SPATA6L: variants seen among roughly 807,000 people sequenced by gnomAD.
SPATA6L encodes the protein spermatogenesis associated 6 like, also known as spermatogenesis associated 6-like protein.
SPATA6L carries 68 observed loss-of-function variants against 49.2 expected under a neutral mutation model. The observed-to-expected ratio is 1.38, with a 90% CI of 1.14 to 1.69. The LOEUF (loss-of-function observed/expected upper bound fraction) is 1.69. Among genes scored for constraint, SPATA6L ranks in the 40% most tolerant of loss-of-function variants. The probability of loss-of-function intolerance (pLI) is 0.00; values close to 1 mark genes in which losing one functional copy is unlikely to be tolerated. For synonymous variants in SPATA6L, 198 were observed against 165.7 expected, an observed-to-expected ratio of 1.19 and a Z score of -1.50; for missense variants, 668 against 464.3, an observed-to-expected ratio of 1.44 and a Z score of -4.03.
intron 1 of SPATA6L, chr9:4,663,873 T>A (rs1840435259): frequency 6.0e-6 from 1 of 167,036 alleles, no homozygotes; most frequent in Non-Finnish European, 1.5e-5. Context: ...TCTCTATCCA[T>A]ATTTGTGGAT....
chr9:4,664,736 G>A (rs1001437537), intron 1 of SPATA6L: 2 of 167,012 alleles, frequency 1.2e-5, no homozygotes, highest in African/African-American at 4.8e-5. Flanking sequence ...ACGGAGGTTC[G>A]GAACCTGGAG....
chr9:4,616,047 C>A (rs1260378620), intron 9 of SPATA6L, among the ~76,000 whole-genome samples: 1 of 152,118 alleles, frequency 6.6e-6, no homozygotes, highest in Non-Finnish European at 1.5e-5. Context: ...GAGGCCAAGA[C>A]AATTGCTTGA....
intron 13 of SPATA6L, among the ~76,000 whole-genome samples, chr9:4,590,628 G>A (rs1444444784): frequency 6.6e-6 from 1 of 152,142 alleles, no homozygotes; most frequent in East Asian, 1.9e-4. Flanking sequence ...GCCTCTTCTA[G>A]GGGATTTCCA....
At position 4,603,006 on chromosome 9, in the gene SPATA6L, GGAAAA is replaced by G. The variant is rs1823748580; in HGVS notation, c.*1+1168_*1+1172del. 2.0e-5 allele frequency among the ~76,000 whole-genome samples: 3 copies of G among 152,252 alleles called. No homozygotes were observed. In the South Asian group the frequency reaches 6.2e-4, roughly 32 times the overall value. On this transcript the variant is annotated intron_variant, in intron 11 of 11. Coordinates refer to ENST00000682582, the MANE Select transcript of SPATA6L (RefSeq NM_001353486.2). Reference sequence around the variant, plus strand: ...AGCGATTATTATTCTGGGCTTGAATGGAAAAGAAAAGAATATATGAGAAACGATGA... The same window carrying G: ...AGCGATTATTATTCTGGGCTTGAATGGAAAAGAATATATGAGAAACGATGA...
chr9:4,656,151 T>G, intron 2 of SPATA6L, 62 bp from the exon 3 acceptor site: 6 of 1,383,120 alleles, frequency 4.3e-6, no homozygotes, highest in Non-Finnish European at 5.1e-6. Flanking sequence ...ATATAGAAAC[T>G]GTAAATGCCA....
intron 9 of SPATA6L, among the ~76,000 whole-genome samples, chr9:4,613,608 G>A (rs1418086018): frequency 6.6e-6 from 1 of 151,112 alleles, no homozygotes; most frequent in Non-Finnish European, 1.5e-5. Context: ...TTTTGACCCA[G>A]AGTCTCATTC....
rs1324932428 is a variant in SPATA6L, at chr9:4,599,819, T to C, written c.*992A>G. On this transcript the variant is annotated 3_prime_UTR_variant, in exon 12 of 12. Transcript: ENST00000682582. ...GGTTAGGATTTCAACATACAAATGT[T>C]GAGGGGACACAAACATTCACACTAT... is the stretch of plus-strand genomic sequence containing the variant. Among the ~76,000 whole-genome samples, 1 of 152,182 alleles carries C rather than the reference T, an allele frequency of 6.6e-6. No individual in the cohort carries two copies. Among genetic ancestry groups the C allele is most frequent in the Non-Finnish European group, 1.5e-5 (1 of 68,022 alleles).
At position 4,624,499 on chromosome 9, in the gene SPATA6L, G is replaced by A. The variant is rs1829973889; in HGVS notation, c.669+828C>T. Reference sequence around the variant, plus strand: ...TCCCAGCACTTTGGGAGGCTGATGTGGGTGGATCATCTGAGGTCAGGAGTT... The same window carrying A: ...TCCCAGCACTTTGGGAGGCTGATGTAGGTGGATCATCTGAGGTCAGGAGTT... On this transcript the variant is annotated intron_variant, in intron 6 of 11. Coordinates refer to ENST00000682582, the MANE Select transcript of SPATA6L (RefSeq NM_001353486.2). 3.3e-5 allele frequency among the ~76,000 whole-genome samples: 5 copies of A among 152,128 alleles called. No individual in the cohort carries two copies. The South Asian group carries it at 1.0e-3, about 32-fold the overall frequency.
intron 3 of SPATA6L, among the ~76,000 whole-genome samples, chr9:4,641,127 G>A (rs1041302290): frequency 6.6e-6 from 1 of 151,956 alleles, no homozygotes; most frequent in Non-Finnish European, 1.5e-5. Flanking sequence ...AGTATATCTT[G>A]GACTGTCATA....
chr9:4,601,362 C>A (rs1346131268), intron 11 of SPATA6L, among the ~76,000 whole-genome samples: 4 of 69,526 alleles, frequency 5.8e-5, no homozygotes, highest in Admixed American at 1.9e-4. Flanking sequence ...GGTTTCTTTA[C>A]GGGAGGTTTT....
chr9:4,640,042 A>C (rs1833700859), intron 3 of SPATA6L, among the ~76,000 whole-genome samples: 1 of 152,244 alleles, frequency 6.6e-6, no homozygotes, highest in East Asian at 1.9e-4. Flanking sequence ...GAAAGTATAA[A>C]ATATTGCTAT....
At chr9:4,660,372 G>C (rs941272916) in intron 2 of SPATA6L, among the ~76,000 whole-genome samples, 2 of 152,170 alleles carry the variant, frequency 1.3e-5, no homozygotes, top group Admixed American at 6.5e-5. Flanking sequence ...GTGGGTGAAG[G>C]ACATGAACAG....
At chr9:4,656,688 A>G (rs1185346978) in intron 2 of SPATA6L, among the ~76,000 whole-genome samples, 2 of 152,248 alleles carry the variant, frequency 1.3e-5, no homozygotes, top group Non-Finnish European at 2.9e-5. Context: ...TCAATTAGCT[A>G]AATCTACCAC....
At chr9:4,643,401 C>A (rs1834490478) in intron 3 of SPATA6L, among the ~76,000 whole-genome samples, 1 of 152,224 alleles carries the variant, frequency 6.6e-6, no homozygotes, top group Non-Finnish European at 1.5e-5. Flanking sequence ...AGTATTGGAA[C>A]CTTATTGGGG....
chr9:4,598,050 C>A (rs376782038), downstream of SPATA6L, among the ~76,000 whole-genome samples: 7 of 152,172 alleles, frequency 4.6e-5, no homozygotes, highest in African/African-American at 1.7e-4. Flanking sequence ...ATCATTTGCA[C>A]TCTCATTTTT....
intron 2 of SPATA6L, among the ~76,000 whole-genome samples, chr9:4,656,547 T>C (rs1354645626): frequency 2.0e-5 from 3 of 152,128 alleles, no homozygotes; most frequent in Non-Finnish European, 2.9e-5. Context: ...TTAACATATG[T>C]AAAATCCAGT....
intron 3 of SPATA6L, among the ~76,000 whole-genome samples, chr9:4,653,231 C>A (rs1837325195): frequency 6.6e-6 from 1 of 152,164 alleles, no homozygotes; most frequent in South Asian, 2.1e-4. Flanking sequence ...TGAATTTCAA[C>A]AAGGGTACCA....
At chr9:4,621,636 G>A (rs1239349689) in intron 7 of SPATA6L, among the ~76,000 whole-genome samples, 4 of 152,040 alleles carry the variant, frequency 2.6e-5, no homozygotes, top group African/African-American at 9.7e-5. Flanking sequence ...CTACAGGCAT[G>A]TGCCACCACG....
At chr9:4,624,691 G>A (rs1316990648) in intron 6 of SPATA6L, among the ~76,000 whole-genome samples, 1 of 145,944 alleles carries the variant, frequency 6.9e-6, no homozygotes, top group Non-Finnish European at 1.5e-5. Flanking sequence ...TTGTGTCACT[G>A]CACTCCAGCC....
Sources: allele counts gnomAD v4.1 joint callset (sites outside exome capture counted in the v4.1 genomes callset), GRCh38; gene constraint gnomAD v4.1.1; transcripts MANE v1.5; gene names NCBI Gene and HGNC (gene_info 2026-07-23, HGNC 2026-07-21).